The following TAFA1 variants were observed in gnomAD, a reference collection of about 807,000 sequenced individuals.
The protein encoded by TAFA1 is chemokine-like protein TAFA-1.
TAFA1 carries 4 observed loss-of-function variants against 18.5 expected under a neutral mutation model. That is an observed-to-expected ratio of 0.22 (90% confidence interval 0.11 to 0.49). The LOEUF is 0.49. TAFA1 is among the 20% of genes least tolerant of loss of function. The probability of loss-of-function intolerance (pLI) is 0.98; values close to 1 mark genes in which losing one functional copy is unlikely to be tolerated. For synonymous variants in TAFA1, 56 were observed against 55.2 expected, an observed-to-expected ratio of 1.01 and a Z score of -0.06; for missense variants, 147 against 169.0, an observed-to-expected ratio of 0.87 and a Z score of 0.72.
intron 2 of TAFA1, among the ~76,000 whole-genome samples, chr3:68,178,888 G>C (rs2066160233): frequency 6.6e-6 from 1 of 152,232 alleles, no homozygotes; most frequent in African/African-American, 2.4e-5. Context: ...AGAATGGCTT[G>C]AAGAAAGTCA....
At chr3:68,354,951 A>C (rs1459067724) in intron 2 of TAFA1, among the ~76,000 whole-genome samples, 2 of 152,016 alleles carry the variant, frequency 1.3e-5, no homozygotes, top group African/African-American at 2.4e-5. Context: ...ATTAAGTTTC[A>C]GCATGAGCTT....
rs998317143 is a variant in TAFA1 at position 68,259,659 on chromosome 3, T to G, written c.119-157621T>G. Among the ~76,000 whole-genome samples the G allele has an allele frequency of 7.9e-5, 12 of 152,268 alleles. 1 individual carries two copies. The highest frequency in any genetic ancestry group is 1.3e-4 in the Non-Finnish European group (9 of 68,026). On this transcript the variant is annotated intron_variant, in intron 2 of 4. Coordinates refer to ENST00000478136, the MANE Select transcript of TAFA1 (RefSeq NM_213609.4). ...CCTTGAAGAGGTCCTTCACATCCCT[T>G]GTAAGTTGGATTCCTAGGTATTTTG...
At position 68,439,876 on chromosome 3, in the gene TAFA1, C is replaced by G. The variant is rs1299000422; in HGVS notation, c.259+22456C>G. 2.0e-5 allele frequency among the ~76,000 whole-genome samples: 3 copies of G among 152,058 alleles called. No individual in the cohort carries two copies. In the East Asian group the frequency reaches 5.8e-4, roughly 29 times the overall value. ...TGAATGCATATACAACTCCTGAGAT[C>G]ATACATAATCTTCAAATAAAGACAA... On this transcript the variant is annotated intron_variant, in intron 3 of 4. Coordinates refer to ENST00000478136, the MANE Select transcript of TAFA1 (RefSeq NM_213609.4).
At chr3:68,477,524 G>A (rs1249272354) in intron 3 of TAFA1, among the ~76,000 whole-genome samples, 1 of 152,066 alleles carries the variant, frequency 6.6e-6, no homozygotes, top group Non-Finnish European at 1.5e-5. Context: ...ATAGGCATGT[G>A]CCAACATGCT....
chr3:68,472,022 T>C (rs2072005063), intron 3 of TAFA1, among the ~76,000 whole-genome samples: 1 of 152,098 alleles, frequency 6.6e-6, no homozygotes, highest in Admixed American at 6.6e-5. Flanking sequence ...GCTAAGACTT[T>C]AGGGGATTGT....
intron 3 of TAFA1, among the ~76,000 whole-genome samples, chr3:68,525,719 T>C (rs2073102806): frequency 6.6e-6 from 1 of 152,066 alleles, no homozygotes; most frequent in African/African-American, 2.4e-5. Flanking sequence ...GATTAAGGAG[T>C]CCATATTTCA....
At chr3:68,440,529 G>A (rs771640421) in intron 3 of TAFA1, among the ~76,000 whole-genome samples, 1 of 152,152 alleles carries the variant, frequency 6.6e-6, no homozygotes, top group Non-Finnish European at 1.5e-5. Context: ...TCTGCAACTG[G>A]TCACGTGGTC....
chr3:68,441,065 A>T (rs1050078178), intron 3 of TAFA1, among the ~76,000 whole-genome samples: 1 of 152,192 alleles, frequency 6.6e-6, no homozygotes, highest in East Asian at 1.9e-4. Flanking sequence ...AAGGTAAAGA[A>T]TAAGTTGCTG....
intron 3 of TAFA1, among the ~76,000 whole-genome samples, chr3:68,533,834 C>T (rs991604652): frequency 1.3e-5 from 2 of 152,066 alleles, no homozygotes; most frequent in African/African-American, 4.8e-5. Flanking sequence ...ACTCAGTTCG[C>T]AAGCTTTACT....
At chr3:68,468,477 C>T (rs920713594) in intron 3 of TAFA1, among the ~76,000 whole-genome samples, 1 of 152,114 alleles carries the variant, frequency 6.6e-6, no homozygotes, top group Non-Finnish European at 1.5e-5. Context: ...TCTCCTGGTC[C>T]CTCAGTGACA....
At chr3:67,993,488 T>A in the TAFA1 span, among the ~76,000 whole-genome samples, 1,734 of 152,296 alleles carry the variant, frequency 0.011, 35 homozygotes, top group African/African-American at 0.039. Context: ...AAACAAAGTA[T>A]TATAATGTTA....
intron 2 of TAFA1, among the ~76,000 whole-genome samples, chr3:68,405,368 C>A (rs1239323805): frequency 6.6e-6 from 1 of 151,832 alleles, no homozygotes; most frequent in Admixed American, 6.6e-5. Context: ...ACAAGTCAGG[C>A]CAGGCACAGT....
At chr3:68,363,722 G>A (rs2069516007) in intron 2 of TAFA1, among the ~76,000 whole-genome samples, 1 of 152,098 alleles carries the variant, frequency 6.6e-6, no homozygotes, top group African/African-American at 2.4e-5. Context: ...TTTTAAAGAA[G>A]TAAATCATTA....
intron 2 of TAFA1, among the ~76,000 whole-genome samples, chr3:68,188,610 A>T (rs981762260): frequency 6.6e-6 from 1 of 151,432 alleles, no homozygotes; most frequent in Non-Finnish European, 1.5e-5. Flanking sequence ...AATATCTCTT[A>T]TATCTATGTT....
Position 68,388,696 on chromosome 3 carries a change from C to T in TAFA1, c.119-28584C>T, listed in dbSNP as rs74820210. ...CGGCCTATATTCCAAAACTCTGAAA[C>T]TGACAACTCTACTGAAATGAATCAT... On this transcript the variant is annotated intron_variant, in intron 2 of 4. Coordinates refer to ENST00000478136, the MANE Select transcript of TAFA1 (RefSeq NM_213609.4). Among the ~76,000 whole-genome samples the T allele has an allele frequency of 8.1e-3, 1,235 of 152,184 alleles. 14 individuals carry two copies. The highest frequency in any genetic ancestry group is 0.028 in the African/African-American group (1,163 of 41,528).
intron 3 of TAFA1, among the ~76,000 whole-genome samples, chr3:68,437,146 C>A (rs1237870133): frequency 1.3e-5 from 2 of 152,130 alleles, no homozygotes; most frequent in African/African-American, 4.8e-5. Flanking sequence ...AAATATGCCA[C>A]CAATGCATCG....
intron 2 of TAFA1, among the ~76,000 whole-genome samples, chr3:68,019,101 T>C (rs1281755552): frequency 6.6e-6 from 1 of 152,242 alleles, no homozygotes. Flanking sequence ...CAATCTACTC[T>C]TGGTCAATTG....
chr3:68,377,998 A>G (rs1393776176), intron 2 of TAFA1, among the ~76,000 whole-genome samples: 1 of 152,184 alleles, frequency 6.6e-6, no homozygotes, highest in Non-Finnish European at 1.5e-5. Context: ...GTTATATGAA[A>G]ACGCCTGGAT....
At chr3:68,385,181 G>C (rs1156446507) in intron 2 of TAFA1, among the ~76,000 whole-genome samples, 1 of 152,084 alleles carries the variant, frequency 6.6e-6, no homozygotes, top group African/African-American at 2.4e-5. Flanking sequence ...TTTCGCCCCT[G>C]AGGATTACAT....
Sources: gnomAD v4.1 joint callset for allele counts (sites outside exome capture counted in the v4.1 genomes callset) on GRCh38, gnomAD v4.1.1 for gene constraint, MANE v1.5 for transcripts, NCBI Gene and HGNC (gene_info 2026-07-23, HGNC 2026-07-21) for gene names.